Variants in CACNB2 observed in about 807,000 individuals in gnomAD.
The protein encoded by CACNB2 is voltage-dependent L-type calcium channel subunit beta-2.
In CACNB2, 42 loss-of-function variants were observed where a neutral mutation model predicts 73.3. The observed-to-expected ratio is 0.57, with a 90% CI of 0.45 to 0.74. The LOEUF (loss-of-function observed/expected upper bound fraction) is 0.74. Ranked by LOEUF, CACNB2 falls within the 30% of genes least tolerant of loss-of-function variation. The pLI is 0.00. For missense variants in CACNB2, 940 were observed against 853.0 expected, an observed-to-expected ratio of 1.10 and a Z score of -1.27; for synonymous variants, 348 against 310.3, an observed-to-expected ratio of 1.12 and a Z score of -1.28.
chr10:18,211,133 G>A (rs530283186), intron 2 of CACNB2, among the ~76,000 whole-genome samples: 5 of 152,276 alleles, frequency 3.3e-5, no homozygotes, highest in East Asian at 1.9e-4. Flanking sequence ...ACTTGGAGGC[G>A]GAGGGCTATG....
At position 18,239,263 on chromosome 10, in the gene CACNB2, C is replaced by A. The variant is rs1053250926; in HGVS notation, c.213+88288C>A. 2.0e-5 allele frequency among the ~76,000 whole-genome samples: 3 copies of A among 152,248 alleles called. No individual in the cohort carries two copies. In the South Asian group the frequency reaches 6.2e-4, roughly 32 times the overall value. On this transcript the variant is annotated intron_variant, in intron 2 of 13. Transcript: ENST00000324631. ...CTAGGCTTTTAGTGTAACCATCCCCCGAATAGCGTGCATTATACCAGTTAG... is the reference window on the plus strand; with the variant it reads ...CTAGGCTTTTAGTGTAACCATCCCCAGAATAGCGTGCATTATACCAGTTAG...
chr10:18,243,284 A>G (rs1328678945), intron 2 of CACNB2, among the ~76,000 whole-genome samples: 2 of 152,072 alleles, frequency 1.3e-5, no homozygotes. Flanking sequence ...TCCCATTAAC[A>G]CATTTATTCA....
At chr10:18,205,767 A>G (rs1020952988) in intron 2 of CACNB2, among the ~76,000 whole-genome samples, 4 of 152,100 alleles carry the variant, frequency 2.6e-5, no homozygotes, top group South Asian at 2.1e-4. Flanking sequence ...TAGTGTTTCA[A>G]TGTTCCCTGC....
chr10:18,503,493 G>A (rs1490284659), intron 5 of CACNB2, among the ~76,000 whole-genome samples: 1 of 152,200 alleles, frequency 6.6e-6, no homozygotes, highest in African/African-American at 2.4e-5. Context: ...CTACTTGGGA[G>A]CCTGAGGTAT....
intron 2 of CACNB2, among the ~76,000 whole-genome samples, chr10:18,376,784 G>A (rs1242878853): frequency 6.6e-6 from 1 of 152,246 alleles, no homozygotes; most frequent in South Asian, 2.1e-4. Flanking sequence ...TTATCTCAGG[G>A]CTAGCATGTC....
rs1564669639 is a variant in CACNB2, at chr10:18,536,092, C to CT, written c.1207-5dup. 1 of 1,544,698 alleles carries CT rather than the reference C, an allele frequency of 6.5e-7. No homozygotes were observed. The highest frequency in any genetic ancestry group is 8.9e-7 in the Non-Finnish European group (1 of 1,117,400). ...TATTACTCTGTTAAAAACTCATTATCTTTTACAGGTTTTACAAAGGTTAAT... is the reference window on the plus strand; with the variant it reads ...TATTACTCTGTTAAAAACTCATTATCTTTTTACAGGTTTTACAAAGGTTAAT... On this transcript the variant is annotated splice_polypyrimidine_tract_variant and intron_variant, in intron 11 of 13. Coordinates refer to ENST00000324631, the MANE Select transcript of CACNB2 (RefSeq NM_201596.3).
chr10:18,357,615 T>C (rs999166650), intron 2 of CACNB2, among the ~76,000 whole-genome samples: 10 of 152,236 alleles, frequency 6.6e-5, no homozygotes, highest in Non-Finnish European at 1.3e-4. Context: ...AAATTCAGTA[T>C]ATTTTACAAC....
In CACNB2 at chr10:18,428,234, T is replaced by G. The variant is rs538774467; in HGVS notation, c.333+26191T>G. Among the ~76,000 whole-genome samples, 213 of 152,316 alleles carry G rather than the reference T, an allele frequency of 1.4e-3. 2 individuals are homozygous for G. Among genetic ancestry groups the G allele is most frequent in the Admixed American group, 2.3e-3 (35 of 15,300 alleles). ...TCTTTTTTTTATTTTTTTAGTTTAGTGGGACAATATTTATCTTTTTAAAAT... is the reference window on the plus strand; with the variant it reads ...TCTTTTTTTTATTTTTTTAGTTTAGGGGGACAATATTTATCTTTTTAAAAT... On this transcript the variant is annotated intron_variant, in intron 3 of 13. Coordinates refer to ENST00000324631, the MANE Select transcript of CACNB2 (RefSeq NM_201596.3).
At chr10:18,236,507 C>T (rs2036451986) in intron 2 of CACNB2, among the ~76,000 whole-genome samples, 1 of 152,176 alleles carries the variant, frequency 6.6e-6, no homozygotes. Flanking sequence ...TCCAGAGCCC[C>T]TCAGTAGGCC....
At chr10:18,155,247 C>T (rs2031947054) in intron 2 of CACNB2, among the ~76,000 whole-genome samples, 1 of 152,208 alleles carries the variant, frequency 6.6e-6, no homozygotes, top group African/African-American at 2.4e-5. Flanking sequence ...ATCCTTACTT[C>T]CAATACCATA....
At chr10:18,403,567 A>G (rs1332852620) in intron 3 of CACNB2, among the ~76,000 whole-genome samples, 2 of 152,290 alleles carry the variant, frequency 1.3e-5, no homozygotes, top group African/African-American at 2.4e-5. Flanking sequence ...TTGGTTTTCA[A>G]TTGTTATGTA....
chr10:18,322,876 ATTT>A (rs78454829), intron 2 of CACNB2, among the ~76,000 whole-genome samples: 1 of 142,884 alleles, frequency 7.0e-6, no homozygotes, highest in Non-Finnish European at 1.5e-5. Context: ...AATATTTTTA[ATTT>A]TTTTTTTTTT....
At chr10:18,174,698 C>T (rs1217211362) in intron 2 of CACNB2, among the ~76,000 whole-genome samples, 1 of 152,050 alleles carries the variant, frequency 6.6e-6, no homozygotes, top group South Asian at 2.1e-4. Flanking sequence ...GCCACCATGC[C>T]GGGCCAAGAC....
At chr10:18,418,090 T>C (rs987178507) in intron 3 of CACNB2, among the ~76,000 whole-genome samples, 2 of 152,130 alleles carry the variant, frequency 1.3e-5, no homozygotes, top group African/African-American at 4.8e-5. Flanking sequence ...ATTTGTTTGT[T>C]TTTGAGATGG....
chr10:18,458,763 C>CTTTT (rs371122031), intron 3 of CACNB2, among the ~76,000 whole-genome samples: 6 of 122,620 alleles, frequency 4.9e-5, no homozygotes, highest in Admixed American at 8.9e-5. Flanking sequence ...GTAAGGTGAA[C>CTTTT]TTTTTTTTTT....
chr10:18,299,840 C>G (rs755730057), intron 2 of CACNB2, among the ~76,000 whole-genome samples: 1 of 152,090 alleles, frequency 6.6e-6, no homozygotes, highest in Admixed American at 6.6e-5. Context: ...AGAGATGTCA[C>G]GAGAAAGAGC....
chr10:18,146,493 T>G (rs113835382), intron 1 of CACNB2, among the ~76,000 whole-genome samples: 16,551 of 151,388 alleles, frequency 0.11, 1,279 homozygotes, highest in African/African-American at 0.22. Flanking sequence ...TTTTTTGTTT[T>G]TCGAGACAGA....
chr10:18,356,415 A>T (rs998132175), intron 2 of CACNB2, among the ~76,000 whole-genome samples: 11 of 151,920 alleles, frequency 7.2e-5, no homozygotes, highest in African/African-American at 2.7e-4. Flanking sequence ...TTGCTGGATT[A>T]TTATTATTGT....
intron 3 of CACNB2, among the ~76,000 whole-genome samples, chr10:18,454,347 T>A (rs2047162511): frequency 6.6e-6 from 1 of 152,224 alleles, no homozygotes; most frequent in Admixed American, 6.5e-5. Flanking sequence ...TCAACCTTTG[T>A]CATTAATCGC....
Sources: gnomAD v4.1 joint callset for allele counts (sites outside exome capture counted in the v4.1 genomes callset) on GRCh38, gnomAD v4.1.1 for gene constraint, MANE v1.5 for transcripts, NCBI Gene and HGNC (gene_info 2026-07-23, HGNC 2026-07-21) for gene names.